The following AMN1 variants were observed in gnomAD, a reference collection of about 807,000 sequenced individuals.
The protein encoded by AMN1 is protein AMN1 homolog.
AMN1 carries 20 observed loss-of-function variants against 33.0 expected under a neutral mutation model. That is an observed-to-expected ratio of 0.61 (90% CI 0.43 to 0.88). The LOEUF is 0.88. Among genes scored for constraint, AMN1 ranks in the 40% least tolerant of loss-of-function variants. The probability of loss-of-function intolerance (pLI) is 0.00; values close to 1 mark genes in which losing one functional copy is unlikely to be tolerated. For missense variants in AMN1, 246 were observed against 307.4 expected, an observed-to-expected ratio of 0.80 and a Z score of 1.49; for synonymous variants, 114 against 111.9, an observed-to-expected ratio of 1.02 and a Z score of -0.12.
chr12:31,728,736 C>T (rs1940182826), intron 1 of AMN1, among the ~76,000 whole-genome samples: 1 of 152,230 alleles, frequency 6.6e-6, no homozygotes, highest in African/African-American at 2.4e-5. Flanking sequence ...GGAATGGACG[C>T]TCATCGCGCA....
intron 1 of AMN1, among the ~76,000 whole-genome samples, chr12:31,710,793 T>C (rs1368670558): frequency 6.6e-6 from 1 of 152,232 alleles, no homozygotes; most frequent in African/African-American, 2.4e-5. Context: ...ATTACCACTA[T>C]TTCTAGGATA....
intron 6 of AMN1, among the ~76,000 whole-genome samples, chr12:31,686,523 A>G (rs1012717384): frequency 6.6e-5 from 10 of 151,962 alleles, no homozygotes; most frequent in Non-Finnish European, 1.0e-4. Flanking sequence ...TTACACCCTG[A>G]CAAACTCATA....
rs185075846 is a variant in AMN1 at position 31,685,268 on chromosome 12, G to A, written c.703+3739C>T. Among the ~76,000 whole-genome samples, 428 of 151,596 alleles carry A rather than the reference G, an allele frequency of 2.8e-3. 2 individuals are homozygous for A. The highest frequency in any genetic ancestry group is 9.9e-3 in the African/African-American group (409 of 41,360). On this transcript the variant is annotated intron_variant, in intron 6 of 6. Coordinates refer to ENST00000281471, the MANE Select transcript of AMN1 (RefSeq NM_001113402.2). The stretch of plus-strand genomic sequence containing the variant: ...GGTCTTGAACTCCTGACCTCAAGTG[G>A]TCTGCCCACCTCAGCCTCCCAAAGT...
At chr12:31,675,363 G>GT (rs1285000014) in intron 6 of AMN1, among the ~76,000 whole-genome samples, 5 of 151,586 alleles carry the variant, frequency 3.3e-5, no homozygotes, top group Non-Finnish European at 7.4e-5. Context: ...AGAGGTTGCA[G>GT]TGAGTGTGTT....
chr12:31,729,073 G>C (rs556230960), upstream of AMN1: 316 of 1,435,278 alleles, frequency 2.2e-4, 5 homozygotes, highest in South Asian at 3.7e-3. Flanking sequence ...GGGACCGTCC[G>C]CCAACTCCCG....
At chr12:31,701,172 T>C (rs1386236169) in intron 3 of AMN1, among the ~76,000 whole-genome samples, 11 of 151,782 alleles carry the variant, frequency 7.2e-5, no homozygotes, top group African/African-American at 2.4e-4. Flanking sequence ...GCTAATTTTG[T>C]ATTTTTAGTA....
rs774755294 is a variant in AMN1, at chr12:31,709,452, TCA to T, written c.39-29_39-28del. 141 of 1,591,546 alleles carry T rather than the reference TCA, an allele frequency of 8.9e-5. 1 individual carries two copies. The Admixed American group carries it at 2.5e-3, about 29-fold the overall frequency. On this transcript the variant is annotated intron_variant, in intron 1 of 6. Transcript: ENST00000281471. The stretch of plus-strand genomic sequence containing the variant: ...TGAAATACAAATACAATATAGTAAA[TCA>T]CACTGGGCCTGTACTGATTCCTAAC...
At chr12:31,725,784 C>T (rs1314921925) in intron 1 of AMN1, among the ~76,000 whole-genome samples, 1 of 152,252 alleles carries the variant, frequency 6.6e-6, no homozygotes, top group African/African-American at 2.4e-5. Flanking sequence ...CAAGCTCCGC[C>T]TCCTGGGTTC....
At chr12:31,720,372 C>G (rs1939836431) in intron 1 of AMN1, among the ~76,000 whole-genome samples, 1 of 152,186 alleles carries the variant, frequency 6.6e-6, no homozygotes, top group Admixed American at 6.5e-5. Context: ...ATAACCCCAT[C>G]TCTACCAAAA....
intron 2 of AMN1, chr12:31,708,858 AAAAC>A (rs2139707622): frequency 5.1e-6 from 1 of 196,432 alleles, no homozygotes; most frequent in African/African-American, 2.4e-5. Flanking sequence ...TGGAGGGAAA[AAAAC>A]AAACCCTTAT....
At chr12:31,720,108 A>G (rs1329585865) in intron 1 of AMN1, among the ~76,000 whole-genome samples, 1 of 152,240 alleles carries the variant, frequency 6.6e-6, no homozygotes, top group Non-Finnish European at 1.5e-5. Context: ...AAAAGTTGAG[A>G]TGAAAGATAA....
intron 6 of AMN1, among the ~76,000 whole-genome samples, chr12:31,673,794 T>C (rs750508922): frequency 7.2e-5 from 11 of 152,362 alleles, no homozygotes; most frequent in Non-Finnish European, 1.3e-4. Flanking sequence ...CTGAGATTTA[T>C]CATAGGAATG....
intron 1 of AMN1, among the ~76,000 whole-genome samples, chr12:31,723,478 G>T (rs12819673): frequency 0.63 from 96,177 of 151,880 alleles, 30,966 homozygotes; most frequent in East Asian, 0.87. Flanking sequence ...GCCCGGCTAA[G>T]TTTTTGTATT....
chr12:31,711,771 A>G lies in AMN1; in HGVS notation c.39-2346T>C, dbSNP rs56410922. ...ATTTTGAAGTGTATAATAGATTATTATTAACTATAGTCACCCTACCCATCT... is the reference window on the plus strand; with the variant it reads ...ATTTTGAAGTGTATAATAGATTATTGTTAACTATAGTCACCCTACCCATCT... On this transcript the variant is annotated intron_variant, in intron 1 of 6. Transcript: ENST00000281471. 8.4e-3 allele frequency among the ~76,000 whole-genome samples: 1,272 copies of G among 152,254 alleles called. 18 individuals are homozygous for G. Among genetic ancestry groups the G allele is most frequent in the African/African-American group, 0.029 (1,200 of 41,540 alleles).
chr12:31,711,015 T>A lies in AMN1; in HGVS notation c.39-1590A>T, dbSNP rs569386437. On this transcript the variant is annotated intron_variant, in intron 1 of 6. Transcript: ENST00000281471. ...ACCTCTGCCTCCCAGGTTCAAGCAA[T>A]TCTTCTGCCTCAGCCTCCCAAGTAG... Among the ~76,000 whole-genome samples, 36 of 152,146 alleles carry A rather than the reference T, an allele frequency of 2.4e-4. 1 individual carries two copies. The South Asian group carries it at 5.4e-3, about 23-fold the overall frequency.
chr12:31,722,117 A>C (rs962610927), intron 1 of AMN1, among the ~76,000 whole-genome samples: 3 of 144,648 alleles, frequency 2.1e-5, no homozygotes, highest in Admixed American at 7.2e-5. Flanking sequence ...CAAGTTGACT[A>C]TATCAGGCCT....
chr12:31,716,709 T>C (rs371748377), intron 1 of AMN1, among the ~76,000 whole-genome samples: 191 of 152,338 alleles, frequency 1.3e-3, no homozygotes, highest in African/African-American at 4.4e-3. Flanking sequence ...TACTGATATA[T>C]AGGAATTCCT....
intron 1 of AMN1, among the ~76,000 whole-genome samples, chr12:31,721,180 G>T (rs147596644): frequency 9.7e-4 from 147 of 152,308 alleles, no homozygotes; most frequent in African/African-American, 3.3e-3. Flanking sequence ...GGATGATGGG[G>T]TGCTGGGCAT....
chr12:31,695,806 T>G (rs1755095881), intron 5 of AMN1, among the ~76,000 whole-genome samples: 1 of 151,828 alleles, frequency 6.6e-6, no homozygotes, highest in Admixed American at 6.6e-5. Flanking sequence ...AATTTCTTAA[T>G]AAAATATTTA....
Sources: gnomAD v4.1 joint callset for allele counts (sites outside exome capture counted in the v4.1 genomes callset) on GRCh38, gnomAD v4.1.1 for gene constraint, MANE v1.5 for transcripts, NCBI Gene and HGNC (gene_info 2026-07-23, HGNC 2026-07-21) for gene names.